Variants in ITGAM observed in about 807,000 individuals in gnomAD.
The protein encoded by ITGAM is integrin subunit alpha M.
In ITGAM, 79 loss-of-function variants were observed where a neutral mutation model predicts 137.5. The ratio of observed to expected loss-of-function variants is 0.57; its 90% confidence interval spans 0.48 to 0.69. The LOEUF (loss-of-function observed/expected upper bound fraction) is 0.69. Ranked by LOEUF, ITGAM falls within the 30% of genes least tolerant of loss-of-function variation. ITGAM has a pLI of 0.00. For missense variants in ITGAM, 1,343 were observed against 1,483.5 expected (o/e 0.91, Z 1.56); for synonymous variants, 583 against 592.3 (o/e 0.98, Z 0.23).
chr16:31,280,412 T>C (rs2079955770), intron 12 of ITGAM, among the ~76,000 whole-genome samples: 1 of 152,222 alleles, frequency 6.6e-6, no homozygotes. Flanking sequence ...TTTTATTTCA[T>C]TGAGCAGTGG....
intron 14 of ITGAM, among the ~76,000 whole-genome samples, chr16:31,314,052 C>T (rs2080364471): frequency 6.6e-6 from 1 of 152,026 alleles, no homozygotes; most frequent in African/African-American, 2.4e-5. Context: ...TGTTCATATC[C>T]TTTGCCCATT....
chr16:31,330,884 G>C (rs2080572986), intron 28 of ITGAM, among the ~76,000 whole-genome samples: 1 of 151,286 alleles, frequency 6.6e-6, no homozygotes, highest in Admixed American at 6.6e-5. Flanking sequence ...TAGACAGAGA[G>C]ATAGAGATAA....
At chr16:31,297,679 G>C (rs201428984) in intron 13 of ITGAM, 25 bp downstream of exon 13, 2 of 1,608,448 alleles carry the variant, frequency 1.2e-6, no homozygotes, top group East Asian at 2.2e-5. Flanking sequence ...GACCTGGGCT[G>C]GGTGGGGCCC....
At chr16:31,288,666 C>A (rs946137328) in intron 12 of ITGAM, among the ~76,000 whole-genome samples, 3 of 152,128 alleles carry the variant, frequency 2.0e-5, no homozygotes, top group African/African-American at 7.2e-5. Flanking sequence ...TAGAAGGAAA[C>A]CTAGGCATTA....
At chr16:31,331,035 G>A in intron 28 of ITGAM, 130 bp from the exon 29 acceptor site, 1 of 614,172 alleles carries the variant, frequency 1.6e-6, no homozygotes, top group Non-Finnish European at 3.0e-6. Flanking sequence ...GGGGGAGGAG[G>A]ACTGAGGGCT....
At chr16:31,279,776 C>T (rs1596989307) in intron 12 of ITGAM, among the ~76,000 whole-genome samples, 1 of 152,228 alleles carries the variant, frequency 6.6e-6, no homozygotes, top group Non-Finnish European at 1.5e-5. Flanking sequence ...GCTTTTGTTG[C>T]CATTGCTTTT....
chr16:31,312,275 T>G (rs2080341717), intron 14 of ITGAM, among the ~76,000 whole-genome samples: 1 of 151,908 alleles, frequency 6.6e-6, no homozygotes, highest in Non-Finnish European at 1.5e-5. Context: ...CCCTAAAACT[T>G]AAAGTATTAT....
At chr16:31,266,998 G>A (rs1034389983) in intron 5 of ITGAM, among the ~76,000 whole-genome samples, 2 of 151,928 alleles carry the variant, frequency 1.3e-5, no homozygotes, top group Admixed American at 1.3e-4. Context: ...TTCCCAAGTA[G>A]CTGGGATTAC....
intron 14 of ITGAM, among the ~76,000 whole-genome samples, chr16:31,320,029 G>T (rs1311274297): frequency 6.6e-6 from 1 of 152,018 alleles, no homozygotes; most frequent in Non-Finnish European, 1.5e-5. Context: ...AGCCAGGATG[G>T]TCTTGATCTC....
At chr16:31,266,393 G>A (rs927413255) in intron 5 of ITGAM, among the ~76,000 whole-genome samples, 1 of 149,102 alleles carries the variant, frequency 6.7e-6, no homozygotes, top group Non-Finnish European at 1.5e-5. Context: ...GATCAGCCTG[G>A]GCAATGTAGT....
Position 31,331,884 on chromosome 16 carries a change from A to C in ITGAM, c.*177A>C, listed in dbSNP as rs1046202088. 1.1e-5 allele frequency: 6 copies of C among 557,174 alleles called. No homozygotes were observed. The highest frequency in any genetic ancestry group is 4.4e-5 in the African/African-American group (2 of 45,796). 34.5% of individuals were successfully genotyped at this position (557,174 alleles called of 1,614,324 possible). A position where few individuals can be genotyped will look rare whatever the true frequency, so the allele number is the denominator to read the frequency against. On this transcript the variant is annotated 3_prime_UTR_variant, in exon 30 of 30. Transcript: ENST00000544665. ...GCGTGTGTGCAAGTGTCTGTGTGCA[A>C]GTGTGTGCACATGTGTGCGTGTGCG...
At chr16:31,273,294 T>G in intron 7 of ITGAM, 71 bp from the exon 8 acceptor site, 1 of 1,357,806 alleles carries the variant, frequency 7.4e-7, no homozygotes, top group Non-Finnish European at 1.0e-6. Flanking sequence ...AGTGTCTATT[T>G]CTTAAAAAAA....
intron 12 of ITGAM, among the ~76,000 whole-genome samples, chr16:31,281,539 T>A (rs2079969316): frequency 6.6e-6 from 1 of 152,238 alleles, no homozygotes; most frequent in Non-Finnish European, 1.5e-5. Context: ...GATGGTAGTT[T>A]GTATTTCTGT....
chr16:31,307,293 T>C (rs2080274815), intron 14 of ITGAM, among the ~76,000 whole-genome samples: 1 of 152,212 alleles, frequency 6.6e-6, no homozygotes, highest in African/African-American at 2.4e-5. Flanking sequence ...GGAATGTTCT[T>C]CCATTTGTTT....
chr16:31,273,733 G>T, intron 8 of ITGAM: 1 of 454,390 alleles, frequency 2.2e-6, no homozygotes, highest in Non-Finnish European at 3.9e-6. Context: ...CTGTGGGTCA[G>T]CCTGCCAAGA....
At position 31,327,914 on chromosome 16, in the gene ITGAM, G is replaced by A. The variant is rs998290020; in HGVS notation, c.2709-233G>A. 3 of 532,004 alleles carry A rather than the reference G, an allele frequency of 5.6e-6. No homozygotes were observed. In the East Asian group the frequency reaches 9.1e-5, roughly 16 times the overall value. 33.0% of individuals were successfully genotyped at this position (532,004 alleles called of 1,614,324 possible). A position where few individuals can be genotyped will look rare whatever the true frequency, so the allele number is the denominator to read the frequency against. ...CTCTTCAGGAGGGCTGGCGATTGGG[G>A]TGGGAGCAGGTGTGAATTCAGGGGA... On this transcript the variant is annotated intron_variant, in intron 22 of 29. Transcript: ENST00000544665.
Position 31,303,361 on chromosome 16 carries a change from A to G in ITGAM, c.1707+5407A>G, listed in dbSNP as rs889323791. 2.4e-4 allele frequency among the ~76,000 whole-genome samples: 37 copies of G among 152,314 alleles called. 1 individual carries two copies. The highest frequency in any genetic ancestry group is 8.7e-4 in the African/African-American group (36 of 41,564). On this transcript the variant is annotated intron_variant, in intron 14 of 29. Transcript: ENST00000544665. ...TTCAAGTTATGTACCAGTAATTTAT[A>G]TAGCTTTTCTAAAATTTAAGAAAGT...
At chr16:31,288,943 A>G (rs1368747152) in intron 12 of ITGAM, among the ~76,000 whole-genome samples, 1 of 152,250 alleles carries the variant, frequency 6.6e-6, no homozygotes, top group African/African-American at 2.4e-5. Flanking sequence ...AAGTGGGTGA[A>G]GGATATTAAC....
intron 23 of ITGAM, 104 bp downstream of exon 23, chr16:31,328,334 C>A: frequency 1.1e-6 from 1 of 874,708 alleles, no homozygotes; most frequent in Non-Finnish European, 1.9e-6. Flanking sequence ...GTGTGAGAGT[C>A]TGAGGATCTC....
Sources: gnomAD v4.1 joint callset for allele counts (sites outside exome capture counted in the v4.1 genomes callset) on GRCh38, gnomAD v4.1.1 for gene constraint, MANE v1.5 for transcripts, NCBI Gene and HGNC (gene_info 2026-07-23, HGNC 2026-07-21) for gene names.